The following SHISAL1 variants were observed in gnomAD, a reference collection of about 807,000 sequenced individuals.
The protein encoded by SHISAL1 is shisa like 1.
In SHISAL1, 9 loss-of-function variants were observed where a neutral mutation model predicts 22.6. The ratio of observed to expected loss-of-function variants is 0.40; its 90% CI spans 0.24 to 0.70. The LOEUF (loss-of-function observed/expected upper bound fraction) is 0.70. Ranked by LOEUF, SHISAL1 falls within the 30% of genes least tolerant of loss-of-function variation. SHISAL1 has a pLI of 0.39. For synonymous variants in SHISAL1, 119 were observed against 115.4 expected, an observed-to-expected ratio of 1.03 and a Z score of -0.20; for missense variants, 246 against 270.6, an observed-to-expected ratio of 0.91 and a Z score of 0.64.
intron 4 of SHISAL1, among the ~76,000 whole-genome samples, chr22:44,282,873 A>C (rs2055286309): frequency 6.6e-6 from 1 of 152,168 alleles, no homozygotes; most frequent in East Asian, 1.9e-4. Flanking sequence ...TTGGGTGCCA[A>C]GTGGTGTTTC....
At chr22:44,252,856 G>A (rs113088677) in intron 4 of SHISAL1, among the ~76,000 whole-genome samples, 112 of 151,962 alleles carry the variant, frequency 7.4e-4, no homozygotes, top group African/African-American at 1.9e-3. Context: ...TTATCCGGGC[G>A]TGGTGGTGGG....
At chr22:44,329,060 C>T in the SHISAL1 span, among the ~76,000 whole-genome samples, 6 of 152,236 alleles carry the variant, frequency 3.9e-5, no homozygotes, top group East Asian at 1.9e-4. Flanking sequence ...GCCTACCGCA[C>T]GTGCACTTCC....
At chr22:44,259,392 C>A (rs1356203771) in intron 4 of SHISAL1, among the ~76,000 whole-genome samples, 1 of 151,706 alleles carries the variant, frequency 6.6e-6, no homozygotes, top group African/African-American at 2.4e-5. Context: ...GAGCCGATAT[C>A]GCGCCACTGC....
chr22:44,281,558 GA>G (rs1385401964), intron 4 of SHISAL1, among the ~76,000 whole-genome samples: 4 of 152,138 alleles, frequency 2.6e-5, no homozygotes, highest in African/African-American at 9.7e-5. Context: ...CGCCTGGGAG[GA>G]AAACCCAGGA....
chr22:44,266,530 G>GGGTA lies in SHISAL1; in HGVS notation c.*-16846_*-16845insTACC, dbSNP rs376000397. Among the ~76,000 whole-genome samples, 611 of 124,030 alleles carry GGGTA rather than the reference G, an allele frequency of 4.9e-3. 3 individuals are homozygous for GGGTA. Among genetic ancestry groups the GGGTA allele is most frequent in the African/African-American group, 0.017 (383 of 22,462 alleles). The allele number at this position is 124,030 out of a possible 152,430, so 81.4% of individuals were successfully genotyped here. A position where few individuals can be genotyped will look rare whatever the true frequency, so the allele number is the denominator to read the frequency against. On this transcript the variant is annotated intron_variant, in intron 4 of 4. Transcript: ENST00000381176. ...GTGTGTGTTGGGGGCTTTGGGGTAT[G>GGGTA]TGTGTGTGTGTGTGTGTGTGTGTGT... is the stretch of plus-strand genomic sequence containing the variant.
intron 4 of SHISAL1, among the ~76,000 whole-genome samples, chr22:44,270,045 C>T (rs1436506292): frequency 1.3e-5 from 2 of 152,216 alleles, no homozygotes; most frequent in Non-Finnish European, 2.9e-5. Flanking sequence ...CCCACTGCCT[C>T]GGGCACAGTG....
intron 4 of SHISAL1, among the ~76,000 whole-genome samples, chr22:44,272,773 T>C (rs959749283): frequency 3.3e-5 from 5 of 152,208 alleles, no homozygotes; most frequent in Non-Finnish European, 5.9e-5. Context: ...CCTGGGTGCC[T>C]GTCTGTGGGT....
chr22:44,284,897 G>GCCTTCCTGCCTGCCTGCCTTCCTT (rs2055301484), intron 4 of SHISAL1, among the ~76,000 whole-genome samples: 1 of 134,504 alleles, frequency 7.4e-6, no homozygotes, highest in Non-Finnish European at 1.6e-5. Context: ...CTGCCTTCCT[G>GCCTTCCTGCCTGCCTGCCTTCCTT]CCTTCCTTCC....
chr22:44,300,835 C>T (rs757671595), intron 2 of SHISAL1, 44 bp downstream of exon 2: 17 of 1,543,000 alleles, frequency 1.1e-5, no homozygotes, highest in Non-Finnish European at 1.5e-5. Flanking sequence ...AGAGCCCACA[C>T]CCCCACGTGC....
intron 1 of SHISAL1, among the ~76,000 whole-genome samples, chr22:44,304,929 T>C (rs2055459694): frequency 6.6e-6 from 1 of 152,092 alleles, no homozygotes; most frequent in African/African-American, 2.4e-5. Context: ...GTTGAGTGAA[T>C]GAGGAGGATC....
At chr22:44,329,135 T>A in the SHISAL1 span, among the ~76,000 whole-genome samples, 3 of 152,216 alleles carry the variant, frequency 2.0e-5, no homozygotes, top group Admixed American at 2.0e-4. Context: ...TCTGCTGGCT[T>A]GTCCAGGGTC....
chr22:44,254,095 G>C (rs1298944663), intron 4 of SHISAL1, among the ~76,000 whole-genome samples: 2 of 151,928 alleles, frequency 1.3e-5, no homozygotes, highest in African/African-American at 4.8e-5. Flanking sequence ...AAAAACTGCA[G>C]AATATCTAGA....
intron 4 of SHISAL1, among the ~76,000 whole-genome samples, chr22:44,251,103 T>A (rs1035497831): frequency 6.6e-6 from 1 of 152,236 alleles, no homozygotes; most frequent in African/African-American, 2.4e-5. Flanking sequence ...CCATCCAGCA[T>A]ACCACCTATT....
At chr22:44,278,899 G>A (rs1005889759) in intron 4 of SHISAL1, among the ~76,000 whole-genome samples, 3 of 152,136 alleles carry the variant, frequency 2.0e-5, no homozygotes, top group Admixed American at 6.6e-5. Flanking sequence ...GCACCAGGGC[G>A]TGGGTAGGAG....
intron 1 of SHISAL1, among the ~76,000 whole-genome samples, chr22:44,309,615 C>T (rs1452860852): frequency 1.3e-5 from 2 of 152,198 alleles, no homozygotes; most frequent in African/African-American, 4.8e-5. Context: ...CTCCTGTGCC[C>T]TGTCTCCACG....
chr22:44,296,794 G>A lies in SHISAL1; in HGVS notation c.159C>T (p.Asn53=), dbSNP rs769483049. 6.8e-6 allele frequency: 11 copies of A among 1,613,952 alleles called. No individual in the cohort carries two copies. Among genetic ancestry groups the A allele is most frequent in the African/African-American group, 5.3e-5 (4 of 74,934 alleles). Reference sequence around the variant, plus strand: ...GGTGACAACAGAGGATGAAGGTCTTGTTGTCCGAGAGCCGGGGGCAGTGGA... The same window carrying A: ...GGTGACAACAGAGGATGAAGGTCTTATTGTCCGAGAGCCGGGGGCAGTGGA... ...FGFHCPRLSD[N]KTFILCCHHN... The change falls in exon 3 of 5, where the codon AAC becomes AAT. Residue 53 remains asparagine, a synonymous_variant. Coordinates refer to ENST00000381176, the MANE Select transcript of SHISAL1 (RefSeq NM_001099294.2).
intron 1 of SHISAL1, among the ~76,000 whole-genome samples, chr22:44,308,833 C>T (rs1046356072): frequency 2.6e-5 from 4 of 152,214 alleles, no homozygotes; most frequent in East Asian, 1.9e-4. Flanking sequence ...GGGCCACGCT[C>T]GGGCCTGAAC....
At chr22:44,277,179 G>A (rs1365725358) in intron 4 of SHISAL1, among the ~76,000 whole-genome samples, 7 of 152,220 alleles carry the variant, frequency 4.6e-5, no homozygotes, top group African/African-American at 1.4e-4. Flanking sequence ...GGACAGAGCC[G>A]TGAACAGTGG....
At chr22:44,315,504 A>G (rs2055552387), upstream of SHISAL1, among the ~76,000 whole-genome samples, 1 of 152,036 alleles carries the variant, frequency 6.6e-6, no homozygotes, top group Non-Finnish European at 1.5e-5. Context: ...CCTCCTACTG[A>G]GCCCACATAC....
Sources: gnomAD v4.1 joint callset for allele counts (sites outside exome capture counted in the v4.1 genomes callset) on GRCh38, gnomAD v4.1.1 for gene constraint, MANE v1.5 for transcripts, NCBI Gene and HGNC (gene_info 2026-07-23, HGNC 2026-07-21) for gene names.